The following ZFTA variants were observed in gnomAD, a reference collection of about 807,000 sequenced individuals.
ZFTA encodes zinc finger translocation-associated protein.
Under a neutral mutation model 41.8 loss-of-function variants are expected in ZFTA, and 35 were observed. That is an observed-to-expected ratio of 0.84 (90% CI 0.64 to 1.11). ZFTA has a LOEUF of 1.11. Among genes scored for constraint, ZFTA ranks in the 50% most tolerant of loss-of-function variants. ZFTA has a pLI of 0.00. For missense variants in ZFTA, 964 were observed against 989.8 expected, an observed-to-expected ratio of 0.97 and a Z score of 0.35; for synonymous variants, 514 against 436.4, an observed-to-expected ratio of 1.18 and a Z score of -2.22.
At chr11:63,764,012 C>T in intron 4 of ZFTA, 26 bp downstream of exon 4, 1 of 1,313,550 alleles carries the variant, frequency 7.6e-7, no homozygotes, top group Non-Finnish European at 9.8e-7. Context: ...CTCTCCCTCT[C>T]CGCCTGCTCT....
Position 63,764,105 on chromosome 11 carries a change from A to T in ZFTA, c.1518T>A (p.Thr506=), listed in dbSNP as rs2014702444. ...ESPQGPIPPG[T]AAASDEGGGD... ...CTCCCCCCTCGTCGGAGGCTGCGGC[A>T]GTGCCGGGGGGGATGGGGCCCTGGG... The change falls in exon 4 of 5, where the codon ACT becomes ACA. Residue 506 remains threonine (T), a synonymous_variant. Coordinates refer to ENST00000433688, the MANE Select transcript of ZFTA (RefSeq NM_001144936.2). The T allele has an allele frequency of 1.5e-6, 2 of 1,326,874 alleles. No homozygotes were observed. Among genetic ancestry groups the T allele is most frequent in the Non-Finnish European group, 9.6e-7 (1 of 1,042,874 alleles). The allele number at this position is 1,326,874 out of a possible 1,614,324, so 82.2% of individuals were successfully genotyped here.
chr11:63,764,787 TC>T, intron 3 of ZFTA, 80 bp downstream of exon 3: 2 of 1,422,142 alleles, frequency 1.4e-6, no homozygotes, highest in South Asian at 3.0e-5. Context: ...CAGCCCTAAG[TC>T]CCTGCCTCCC....
chr11:63,764,169 G>A lies in ZFTA; in HGVS notation c.1454C>T (p.Ala485Val). The change falls in exon 4 of 5, where the codon GCC (alanine) becomes GTC (valine). Residue 485 changes from alanine (A) to valine (V), a missense_variant. Ala to Val is a moderately conservative substitution (Grantham distance 64). Transcript: ENST00000433688. ...GGGCGGCCCCAGGGCCAGCAGGTGG[G>A]CGGCCTTCTCGCTCCACTCCCGGGC... Reference protein sequence around the residue: ...LIAREWSEKAAHLLALGPPRP... With the variant: ...LIAREWSEKAVHLLALGPPRP... The A allele has an allele frequency of 7.3e-7, 1 of 1,373,970 alleles. No homozygotes were observed. Among genetic ancestry groups the A allele is most frequent in the Non-Finnish European group, 9.3e-7 (1 of 1,071,494 alleles). 85.1% of individuals were successfully genotyped at this position (1,373,970 alleles called of 1,614,324 possible). A position where few individuals can be genotyped will look rare whatever the true frequency, so the allele number is the denominator to read the frequency against.
chr11:63,762,826 G>C lies in ZFTA; in HGVS notation c.*592C>G, dbSNP rs1300194879. 2 of 151,984 alleles carry C rather than the reference G, an allele frequency of 1.3e-5. No homozygotes were observed. The highest frequency in any genetic ancestry group is 2.4e-5 in the African/African-American group (1 of 41,418). 9.4% of individuals were successfully genotyped at this position (151,984 alleles called of 1,614,324 possible). A position where few individuals can be genotyped will look rare whatever the true frequency, so the allele number is the denominator to read the frequency against. ...TCGGTCCAACGCGCCTTCCCACCCC[G>C]GGAAGGCTCCCGAGCCCTGCGGCCC... On this transcript the variant is annotated 3_prime_UTR_variant, in exon 5 of 5. Coordinates refer to ENST00000433688, the MANE Select transcript of ZFTA (RefSeq NM_001144936.2).
At chr11:63,768,054 C>G (rs563645711) in intron 1 of ZFTA, among the ~76,000 whole-genome samples, 1 of 152,136 alleles carries the variant, frequency 6.6e-6, no homozygotes, top group Non-Finnish European at 1.5e-5. Flanking sequence ...CGGAGCTGAG[C>G]TCAGCTCCGC....
Position 63,764,383 on chromosome 11 carries a change from G to A in ZFTA, c.1240C>T (p.His414Tyr), listed in dbSNP as rs533928835. The change falls in exon 4 of 5, where the codon CAC becomes TAC. Residue 414 changes from histidine to tyrosine, a missense_variant. By Grantham distance (83) the His-to-Tyr change is moderately conservative (BLOSUM62 2). Coordinates refer to ENST00000433688, the MANE Select transcript of ZFTA (RefSeq NM_001144936.2). Reference sequence around the variant, plus strand: ...CAGCGCTCCTGGGGGTGGCGGCGGTGGGCGCGGCCCCGCGGCGACCGGCCC... The same window carrying A: ...CAGCGCTCCTGGGGGTGGCGGCGGTAGGCGCGGCCCCGCGGCGACCGGCCC... The part of the protein sequence containing the change: ...VPGRSPRGRA[H>Y]RRHPQERWRL... The A allele has an allele frequency of 7.6e-7, 1 of 1,310,568 alleles. No homozygotes were observed. The highest frequency in any genetic ancestry group is 1.6e-5 in the African/African-American group (1 of 64,256). 81.2% of individuals were successfully genotyped at this position (1,310,568 alleles called of 1,614,324 possible). A position where few individuals can be genotyped will look rare whatever the true frequency, so the allele number is the denominator to read the frequency against.
chr11:63,765,286 C>G lies in ZFTA; in HGVS notation c.638-32G>C. 7.0e-7 allele frequency: 1 copy of G among 1,430,972 alleles called. No individual in the cohort carries two copies. The highest frequency in any genetic ancestry group is 1.5e-5 in the South Asian group (1 of 65,954). The allele number at this position is 1,430,972 out of a possible 1,614,324, so 88.6% of individuals were successfully genotyped here. A position where few individuals can be genotyped will look rare whatever the true frequency, so the allele number is the denominator to read the frequency against. On this transcript the variant is annotated intron_variant, in intron 2 of 4. Coordinates refer to ENST00000433688, the MANE Select transcript of ZFTA (RefSeq NM_001144936.2). This position sits in a 1 kb window ranked among gnomAD's most constrained non-coding sequence, Gnocchi z 4.0. ...GGGTTGGAGGGAAGGAACTGAGACG[C>G]TGGCCCCACGGGAGCATACCCACTA...
In ZFTA at chr11:63,764,070, TC is replaced by T; in HGVS notation, c.1552del (p.Glu518ArgfsTer73). The part of the protein sequence containing the change: ...AASDEGGGDE[E>X]EEPEEEEEEW... The stretch of plus-strand genomic sequence containing the variant: ...CTCCTCCTCCTCCTCTGGCTCCTCC[TC>T]CTCGTCCCCTCCCCCCTCGTCGGAG... On this transcript the variant is annotated frameshift_variant, in exon 4 of 5. Coordinates refer to ENST00000433688, the MANE Select transcript of ZFTA (RefSeq NM_001144936.2). LOFTEE classifies it low-confidence loss of function (END_TRUNC). 5 of 1,342,378 alleles carry T rather than the reference TC, an allele frequency of 3.7e-6. No individual in the cohort carries two copies. The highest frequency in any genetic ancestry group is 4.8e-6 in the Non-Finnish European group (5 of 1,051,124). The allele number at this position is 1,342,378 out of a possible 1,614,324, so 83.2% of individuals were successfully genotyped here.
chr11:63,764,158 C>T lies in ZFTA; in HGVS notation c.1465G>A (p.Ala489Thr), dbSNP rs1322996761. Residue 489 changes from alanine to threonine, a missense_variant, in exon 4 of 5, where the codon GCC becomes ACC. Physicochemically the swap from Ala to Thr is moderately conservative, Grantham distance 58 (BLOSUM62 0). Around this residue, in one of 5 missense-constraint regions of ZFTA, gnomAD observed 584 missense variants for 523.1 expected, o/e 1.12. Transcript: ENST00000433688. Reference sequence around the variant, plus strand: ...GACTCGGGGCGGGGCGGCCCCAGGGCCAGCAGGTGGGCGGCCTTCTCGCTC... The same window carrying T: ...GACTCGGGGCGGGGCGGCCCCAGGGTCAGCAGGTGGGCGGCCTTCTCGCTC... ...EWSEKAAHLL[A>T]LGPPRPESPQ... 5.1e-6 allele frequency: 7 copies of T among 1,362,408 alleles called. No individual in the cohort carries two copies. Among genetic ancestry groups the T allele is most frequent in the Non-Finnish European group, 6.6e-6 (7 of 1,064,698 alleles). 84.4% of individuals were successfully genotyped at this position (1,362,408 alleles called of 1,614,324 possible). A position where few individuals can be genotyped will look rare whatever the true frequency, so the allele number is the denominator to read the frequency against.
intron 3 of ZFTA, 49 bp downstream of exon 3, chr11:63,764,818 AC>A (rs1337058597): frequency 7.0e-7 from 1 of 1,432,566 alleles, no homozygotes; most frequent in African/African-American, 1.4e-5. Context: ...CACAGACCCC[AC>A]TTCAGAGCCC....
rs569275547 is a variant in ZFTA at position 63,764,966 on chromosome 11, G to A, written c.926C>T (p.Pro309Leu). The change falls in exon 3 of 5, where the codon CCT (proline) becomes CTT (leucine). Residue 309 changes from proline to leucine, a missense_variant. Coordinates refer to ENST00000433688, the MANE Select transcript of ZFTA (RefSeq NM_001144936.2). ...DIRAHVLEVH[P>L]GSLGLSGPQR... ...GGGGCCGCTGAGCCCCAGGGAGCCA[G>A]GGTGCACCTCCAGCACGTGGGCACG... 6.5e-7 allele frequency: 1 copy of A among 1,548,646 alleles called. No individual in the cohort carries two copies. The highest frequency in any genetic ancestry group is 8.7e-7 in the Non-Finnish European group (1 of 1,146,596).
chr11:63,765,690 C>T lies in ZFTA; in HGVS notation c.637+117G>A. On this transcript the variant is annotated intron_variant, in intron 2 of 4. Coordinates refer to ENST00000433688, the MANE Select transcript of ZFTA (RefSeq NM_001144936.2). The surrounding 1 kb of genome is among the most constrained non-coding windows in gnomAD (Gnocchi z 4.0). ...TAATAAGGGCAATAAACAGACCCCA[C>T]CCAGAGGAGGAGCAGTGCCTTGCTC... The T allele has an allele frequency of 2.9e-6, 4 of 1,366,126 alleles. No homozygotes were observed. The highest frequency in any genetic ancestry group is 3.8e-6 in the Non-Finnish European group (4 of 1,044,406). The allele number at this position is 1,366,126 out of a possible 1,614,324, so 84.6% of individuals were successfully genotyped here. A position where few individuals can be genotyped will look rare whatever the true frequency, so the allele number is the denominator to read the frequency against.
rs2014613474 is a variant in ZFTA, at chr11:63,760,795, C to G, written c.*2623G>C. On this transcript the variant is annotated 3_prime_UTR_variant, in exon 5 of 5. Transcript: ENST00000433688. ...CATGAAAACACTGCTAGGCCCCAAC[C>G]AAGTTTCTGATTCAGTAACCCTGGG... The G allele has an allele frequency of 6.6e-6, 1 of 152,224 alleles. No homozygotes were observed. Among genetic ancestry groups the G allele is most frequent in the Non-Finnish European group, 1.5e-5 (1 of 68,050 alleles). 9.4% of individuals were successfully genotyped at this position (152,224 alleles called of 1,614,324 possible).
chr11:63,763,304 C>T lies in ZFTA; in HGVS notation c.*114G>A. On this transcript the variant is annotated 3_prime_UTR_variant, in exon 5 of 5. Coordinates refer to ENST00000433688, the MANE Select transcript of ZFTA (RefSeq NM_001144936.2). ...GCCCGGCCAGCGGGGGGCGCGGCCG[C>T]GGGAAGCGCTAACACCGGACGCGAG... 3 of 795,648 alleles carry T rather than the reference C, an allele frequency of 3.8e-6. No individual in the cohort carries two copies. The highest frequency in any genetic ancestry group is 4.8e-6 in the Non-Finnish European group (3 of 628,132). The allele number at this position is 795,648 out of a possible 1,614,324, so 49.3% of individuals were successfully genotyped here. A position where few individuals can be genotyped will look rare whatever the true frequency, so the allele number is the denominator to read the frequency against.
intron 1 of ZFTA, among the ~76,000 whole-genome samples, 189 bp from the exon 2 acceptor site, chr11:63,766,493 G>A (rs61928236): frequency 0.11 from 16,523 of 152,232 alleles, 1,026 homozygotes; most frequent in South Asian, 0.16. Flanking sequence ...CAAAGGGCAA[G>A]GACCCTTTAA....
chr11:63,760,353 G>A lies in ZFTA; in HGVS notation c.*3065C>T, dbSNP rs947529208. ...TCTTCTCCTAAACTAAGGCTGCTGT[G>A]ACCCTTAAGCTGGCTTTTAAAAATG... On this transcript the variant is annotated 3_prime_UTR_variant, in exon 5 of 5. Coordinates refer to ENST00000433688, the MANE Select transcript of ZFTA (RefSeq NM_001144936.2). The A allele has an allele frequency of 1.3e-5, 2 of 152,196 alleles. No homozygotes were observed. Among genetic ancestry groups the A allele is most frequent in the Non-Finnish European group, 2.9e-5 (2 of 68,036 alleles). 9.4% of individuals were successfully genotyped at this position (152,196 alleles called of 1,614,324 possible).
Position 63,765,238 on chromosome 11 carries a change from A to G in ZFTA, c.654T>C (p.Gly218=). 2 of 1,455,028 alleles carry G rather than the reference A, an allele frequency of 1.4e-6. No homozygotes were observed. Among genetic ancestry groups the G allele is most frequent in the Admixed American group, 3.0e-5 (1 of 33,526 alleles). 90.1% of individuals were successfully genotyped at this position (1,455,028 alleles called of 1,614,324 possible). A position where few individuals can be genotyped will look rare whatever the true frequency, so the allele number is the denominator to read the frequency against. The change falls in exon 3 of 5, where the codon GGT becomes GGC. Residue 218 remains glycine (G), a synonymous_variant. Coordinates refer to ENST00000433688, the MANE Select transcript of ZFTA (RefSeq NM_001144936.2). The surrounding 1 kb of genome is among the most constrained non-coding windows in gnomAD (Gnocchi z 4.0). Reference sequence around the variant, plus strand: ...CTCGCCGCTGGCGCCGGCAGCCCCCACCAGCTGGGGCTTTGCCTGAAAGGG... The same window carrying G: ...CTCGCCGCTGGCGCCGGCAGCCCCCGCCAGCTGGGGCTTTGCCTGAAAGGG... ...PPKGPGKAPA[G]GGCRRQRRGG... is the part of the protein sequence containing the mutation.
At chr11:63,764,665 G>T in intron 3 of ZFTA, 67 bp from the exon 4 acceptor site, 1 of 1,281,488 alleles carries the variant, frequency 7.8e-7, no homozygotes, top group South Asian at 3.0e-5. Context: ...CCACTCAGAG[G>T]GGTCCATCCT....
rs2014604908 is a variant in ZFTA, at chr11:63,760,487, A to G, written c.*2931T>C. The G allele has an allele frequency of 6.6e-6, 1 of 152,242 alleles. No homozygotes were observed. Among genetic ancestry groups the G allele is most frequent in the East Asian group, 1.9e-4 (1 of 5,204 alleles). 9.4% of individuals were successfully genotyped at this position (152,242 alleles called of 1,614,324 possible). On this transcript the variant is annotated 3_prime_UTR_variant, in exon 5 of 5. Transcript: ENST00000433688. ...TGTTTGAATAATGTCACTAAGTAAC[A>G]TGGTATATAAATATGTATTCAGAGT...
Sources: allele counts gnomAD v4.1 joint callset (sites outside exome capture counted in the v4.1 genomes callset), GRCh38; gene constraint gnomAD v4.1.1; regional missense constraint gnomAD v4.1.1; non-coding constraint Gnocchi (gnomAD v3.1); transcripts MANE v1.5; gene names NCBI Gene and HGNC (gene_info 2026-07-23, HGNC 2026-07-21).